ATRNL1: variants seen among roughly 807,000 people sequenced by gnomAD.
ATRNL1 encodes the protein attractin-like protein 1.
A neutral mutation model predicts 182.7 loss-of-function variants in ATRNL1; 95 were observed. That is an observed-to-expected ratio of 0.52 (90% confidence interval 0.44 to 0.62). The LOEUF is 0.62. ATRNL1 is among the 20% of genes least tolerant of loss of function. ATRNL1 has a pLI of 0.00. For missense variants in ATRNL1, 1,471 were observed against 1,679.5 expected (o/e 0.88, Z 2.17); for synonymous variants, 576 against 568.3 (o/e 1.01, Z -0.19).
chr10:115,582,272 A>T (rs371394972), intron 26 of ATRNL1, among the ~76,000 whole-genome samples: 1 of 148,872 alleles, frequency 6.7e-6, no homozygotes, highest in African/African-American at 2.5e-5. Flanking sequence ...TAATGGGATG[A>T]CTGGGTCAAA....
At chr10:115,616,430 C>A (rs1223015718) in intron 26 of ATRNL1, among the ~76,000 whole-genome samples, 1 of 152,114 alleles carries the variant, frequency 6.6e-6, no homozygotes, top group Non-Finnish European at 1.5e-5. Flanking sequence ...AAAAGAAAAA[C>A]CAATTTTTGG....
intron 25 of ATRNL1, among the ~76,000 whole-genome samples, chr10:115,523,322 A>G (rs1554985738): frequency 3.3e-5 from 5 of 152,174 alleles, no homozygotes. Flanking sequence ...AGCCTGCCAG[A>G]TTTGTGAAAT....
intron 28 of ATRNL1, among the ~76,000 whole-genome samples, chr10:115,856,580 C>T (rs1418859939): frequency 1.3e-5 from 2 of 152,062 alleles, no homozygotes; most frequent in Non-Finnish European, 2.9e-5. Flanking sequence ...CAATTTTCCA[C>T]AGACCTGGGG....
At chr10:115,414,571 G>A (rs1845297677) in intron 20 of ATRNL1, among the ~76,000 whole-genome samples, 1 of 151,912 alleles carries the variant, frequency 6.6e-6, no homozygotes, top group East Asian at 1.9e-4. Context: ...ACTACTTCCA[G>A]TATACTCAGA....
At chr10:115,345,462 G>A (rs781895726) in intron 19 of ATRNL1, among the ~76,000 whole-genome samples, 15 of 152,132 alleles carry the variant, frequency 9.9e-5, no homozygotes, top group Admixed American at 3.9e-4. Flanking sequence ...CCCGTATACT[G>A]CCACTGCAGG....
At chr10:115,794,649 T>C (rs1276268055) in intron 27 of ATRNL1, among the ~76,000 whole-genome samples, 2 of 152,232 alleles carry the variant, frequency 1.3e-5, no homozygotes, top group Non-Finnish European at 2.9e-5. Flanking sequence ...TTAGTGGTGA[T>C]ATTCACTTCA....
chr10:115,426,258 C>T lies in ATRNL1; in HGVS notation c.3278C>T (p.Ser1093Phe), dbSNP rs1554962876. The T allele has an allele frequency of 6.2e-7, 1 of 1,612,228 alleles. No homozygotes were observed. The highest frequency in any genetic ancestry group is 8.5e-7 in the Non-Finnish European group (1 of 1,178,834). Reference protein sequence around the residue: ...IKGDQCQLCDSENRYVGNPLR... With the variant: ...IKGDQCQLCDFENRYVGNPLR... ...TTTTTGTGTTTCTGCAGATGTGACTCTGAAAATCGCTATGTTGGTAATCCA... is the reference window on the plus strand; with the variant it reads ...TTTTTGTGTTTCTGCAGATGTGACTTTGAAAATCGCTATGTTGGTAATCCA... Residue 1093 changes from serine to phenylalanine, a missense_variant, in exon 21 of 29, where the codon TCT (serine) becomes TTT (phenylalanine). Ser to Phe is a radical substitution (Grantham distance 155). Transcript: ENST00000355044.
intron 26 of ATRNL1, among the ~76,000 whole-genome samples, chr10:115,668,551 A>T (rs941224337): frequency 3.3e-5 from 5 of 152,148 alleles, no homozygotes; most frequent in African/African-American, 1.2e-4. Context: ...CATTATTTCA[A>T]AATGAAATCT....
At chr10:115,341,316 T>C (rs187944857) in intron 19 of ATRNL1, among the ~76,000 whole-genome samples, 1 of 152,256 alleles carries the variant, frequency 6.6e-6, no homozygotes, top group Admixed American at 6.5e-5. Context: ...TCCATGTATT[T>C]GTAAATTCCT....
intron 19 of ATRNL1, among the ~76,000 whole-genome samples, chr10:115,385,111 T>A (rs1252539002): frequency 1.3e-5 from 2 of 152,078 alleles, no homozygotes; most frequent in African/African-American, 4.8e-5. Context: ...TGTGTCACCT[T>A]ATAGGAAATT....
intron 28 of ATRNL1, among the ~76,000 whole-genome samples, chr10:115,923,771 G>C (rs570570840): frequency 4.6e-5 from 7 of 152,204 alleles, no homozygotes; most frequent in Non-Finnish European, 1.0e-4. Context: ...TATATACCCA[G>C]TAATGGGATT....
intron 24 of ATRNL1, 83 bp downstream of exon 24, chr10:115,469,412 G>A (rs2134564852): frequency 1.1e-6 from 1 of 891,666 alleles, no homozygotes; most frequent in Non-Finnish European, 1.7e-6. Context: ...GATGATATAT[G>A]TACATTTCCT....
intron 10 of ATRNL1, among the ~76,000 whole-genome samples, chr10:115,254,694 T>C (rs1426255488): frequency 6.6e-6 from 1 of 152,204 alleles, no homozygotes; most frequent in Non-Finnish European, 1.5e-5. Context: ...GGTGTTTTAG[T>C]CATGAAGTCC....
At chr10:115,295,254 C>T (rs1204031243) in intron 15 of ATRNL1, among the ~76,000 whole-genome samples, 1 of 152,080 alleles carries the variant, frequency 6.6e-6, no homozygotes, top group Non-Finnish European at 1.5e-5. Flanking sequence ...ACCCACAGGG[C>T]TATTTCTTAA....
chr10:115,567,899 A>G (rs1854160770), intron 26 of ATRNL1, among the ~76,000 whole-genome samples: 1 of 152,122 alleles, frequency 6.6e-6, no homozygotes, highest in Non-Finnish European at 1.5e-5. Flanking sequence ...TTTAACCTTT[A>G]TAAAACCTGT....
chr10:115,160,535 T>A (rs1402559268), intron 6 of ATRNL1, among the ~76,000 whole-genome samples: 10 of 151,906 alleles, frequency 6.6e-5, no homozygotes, highest in Non-Finnish European at 1.5e-4. Flanking sequence ...CCACTTTTTT[T>A]TTTTAATGAA....
chr10:115,448,293 G>C (rs1554967012), intron 21 of ATRNL1, among the ~76,000 whole-genome samples: 1 of 151,994 alleles, frequency 6.6e-6, no homozygotes, highest in Non-Finnish European at 1.5e-5. Context: ...CACATAATTG[G>C]ATATAAAACA....
intron 26 of ATRNL1, among the ~76,000 whole-genome samples, chr10:115,648,962 C>T (rs1319252886): frequency 6.6e-6 from 1 of 152,106 alleles, no homozygotes; most frequent in Non-Finnish European, 1.5e-5. Context: ...CCTCTAGCCT[C>T]TGTAACTCTC....
At chr10:115,362,186 G>T (rs115239115) in intron 19 of ATRNL1, among the ~76,000 whole-genome samples, 2,808 of 151,972 alleles carry the variant, frequency 0.018, 102 homozygotes, top group African/African-American at 0.065. Context: ...AGATAGTGAA[G>T]ATATTGATAT....
Sources: allele counts gnomAD v4.1 joint callset (sites outside exome capture counted in the v4.1 genomes callset), GRCh38; gene constraint gnomAD v4.1.1; transcripts MANE v1.5; gene names NCBI Gene and HGNC (gene_info 2026-07-23, HGNC 2026-07-21).